MRAP: variants seen among roughly 807,000 people sequenced by gnomAD.
The protein encoded by MRAP is melanocortin-2 receptor accessory protein.
In MRAP, 8 loss-of-function variants were observed where a neutral mutation model predicts 8.7. The ratio of observed to expected loss-of-function variants is 0.92; its 90% confidence interval spans 0.54 to 1.66. MRAP has a LOEUF of 1.66. Among genes scored for constraint, MRAP ranks in the 40% most tolerant of loss-of-function variants. MRAP has a pLI of 0.00. For synonymous variants in MRAP, 95 were observed against 95.5 expected (o/e 1.00, Z 0.03); for missense variants, 237 against 217.1 (o/e 1.09, Z -0.58).
At chr21:32,311,503 T>G in intron 2 of MRAP, 181 bp from the exon 3 acceptor site, 94 of 651,990 alleles carry the variant, frequency 1.4e-4, no homozygotes, top group Non-Finnish European at 2.1e-4. Flanking sequence ...TCCTCTCCTC[T>G]GAGATTTCTC....
At chr21:32,295,877 G>A (rs1032773538), upstream of MRAP, among the ~76,000 whole-genome samples, 4 of 152,190 alleles carry the variant, frequency 2.6e-5, no homozygotes, top group Admixed American at 6.5e-5. Flanking sequence ...TTGGGAGGCT[G>A]AGGCAGGAGA....
chr21:32,302,979 CT>C (rs57692462), intron 1 of MRAP, among the ~76,000 whole-genome samples: 19 of 124,230 alleles, frequency 1.5e-4, no homozygotes, highest in East Asian at 1.2e-3. Flanking sequence ...CCCCAATTCC[CT>C]TTTTTTTTTT....
intron 1 of MRAP, chr21:32,306,367 G>A: frequency 2.2e-6 from 1 of 459,292 alleles, no homozygotes; most frequent in Middle Eastern, 6.5e-4. Context: ...GGGGTGGGGG[G>A]GCACACAATT....
intron 2 of MRAP, among the ~76,000 whole-genome samples, chr21:32,308,038 T>A (rs1250198023): frequency 1.3e-5 from 2 of 152,180 alleles, no homozygotes. Context: ...CTTGACACCA[T>A]GGGCATTAAG....
chr21:32,307,131 T>A (rs1272430117), intron 2 of MRAP, among the ~76,000 whole-genome samples: 2 of 152,156 alleles, frequency 1.3e-5, no homozygotes, highest in Non-Finnish European at 2.9e-5. Flanking sequence ...CAGAGCTGCA[T>A]GTTGTATGAC....
intron 2 of MRAP, among the ~76,000 whole-genome samples, chr21:32,293,429 T>G (rs7280719): frequency 6.6e-6 from 1 of 152,148 alleles, no homozygotes; most frequent in Non-Finnish European, 1.5e-5. Flanking sequence ...CATAGCACAC[T>G]AATGCACCCA....
intron 2 of MRAP, 59 bp downstream of exon 2, chr21:32,306,798 T>G (rs1487814643): frequency 1.4e-5 from 19 of 1,346,900 alleles, no homozygotes; most frequent in Non-Finnish European, 1.9e-5. Context: ...TGAGTAACAG[T>G]GCAGGTTGAG....
rs1212523414 is a variant in MRAP at position 32,301,985 on chromosome 21, A to G, written c.106+2908A>G. 2.0e-5 allele frequency among the ~76,000 whole-genome samples: 3 copies of G among 152,364 alleles called. No individual in the cohort carries two copies. The East Asian group carries it at 5.8e-4, about 29-fold the overall frequency. On this transcript the variant is annotated intron_variant, in intron 1 of 2. Coordinates refer to ENST00000303645, the MANE Select transcript of MRAP (RefSeq NM_001379228.1). ...AGAGCAATCATATTCAGGGCATGAC[A>G]TAAGTAGTGAAAGTAATTTTTAAAC...
downstream of MRAP, chr21:32,314,011 T>C (rs567025362): frequency 6.5e-6 from 1 of 153,968 alleles, no homozygotes; most frequent in African/African-American, 2.4e-5. Flanking sequence ...CTTTGAAGTA[T>C]AGCTTTAAAA....
chr21:32,298,140 G>C, upstream of MRAP, among the ~76,000 whole-genome samples: 1 of 152,206 alleles, frequency 6.6e-6, no homozygotes, highest in Non-Finnish European at 1.5e-5. Context: ...AGTGTCTGAG[G>C]ATCTCAGAGG....
At chr21:32,305,767 C>T (rs1212400632) in intron 1 of MRAP, among the ~76,000 whole-genome samples, 3 of 152,116 alleles carry the variant, frequency 2.0e-5, no homozygotes, top group East Asian at 3.9e-4. Flanking sequence ...CACTTGCAGA[C>T]CCTAATTACG....
At chr21:32,313,594 G>A (rs2032628725), downstream of MRAP, 1 of 152,212 alleles carries the variant, frequency 6.6e-6, no homozygotes, top group South Asian at 2.1e-4. Context: ...TCATGCTTTA[G>A]TTAAAACTTT....
intron 2 of MRAP, among the ~76,000 whole-genome samples, chr21:32,293,687 A>T (rs914321626): frequency 3.9e-5 from 6 of 152,242 alleles, no homozygotes; most frequent in Admixed American, 2.0e-4. Context: ...TGTAATAGAA[A>T]ACATCCTAGA....
At chr21:32,306,510 A>C in intron 1 of MRAP, 130 bp from the exon 2 acceptor site, 1 of 735,706 alleles carries the variant, frequency 1.4e-6, no homozygotes, top group Non-Finnish European at 2.4e-6. Flanking sequence ...CCATGGTAAC[A>C]GCTGAGAGGC....
intron 2 of MRAP, among the ~76,000 whole-genome samples, chr21:32,310,234 C>T (rs184004017): frequency 1.3e-3 from 194 of 152,224 alleles, no homozygotes; most frequent in African/African-American, 4.4e-3. Flanking sequence ...AAAGAAAATG[C>T]TCTCAAGGCA....
chr21:32,306,420 G>A (rs1330944637), intron 1 of MRAP: 14 of 601,478 alleles, frequency 2.3e-5, no homozygotes, highest in African/African-American at 2.0e-4. Context: ...AACAGACCCC[G>A]TGGCCAGCTG....
intron 1 of MRAP, among the ~76,000 whole-genome samples, chr21:32,300,741 AGTGTGT>A (rs2032263284): frequency 2.1e-3 from 124 of 57,808 alleles, no homozygotes; most frequent in African/African-American, 2.5e-3. Flanking sequence ...GTCCTATGTC[AGTGTGT>A]CGTGCGTCCT....
At chr21:32,296,595 TCGGCTGAA>T (rs1179264836), upstream of MRAP, among the ~76,000 whole-genome samples, 1 of 152,190 alleles carries the variant, frequency 6.6e-6, no homozygotes, top group African/African-American at 2.4e-5. Context: ...ACCACACACC[TCGGCTGAA>T]CGGCCTAGCC....
chr21:32,313,121 C>T (rs530747364), downstream of MRAP: 2 of 152,300 alleles, frequency 1.3e-5, no homozygotes, highest in East Asian at 1.9e-4. Flanking sequence ...CGCCACCTGA[C>T]GTAGTATGTA....
Sources: gnomAD v4.1 joint callset for allele counts (sites outside exome capture counted in the v4.1 genomes callset) on GRCh38, gnomAD v4.1.1 for gene constraint, MANE v1.5 for transcripts, NCBI Gene and HGNC (gene_info 2026-07-23, HGNC 2026-07-21) for gene names.